The following IMPG1 variants were observed in gnomAD, a reference collection of about 807,000 sequenced individuals.
IMPG1 encodes interphotoreceptor matrix proteoglycan 1.
In IMPG1, 85 loss-of-function variants were observed where a neutral mutation model predicts 92.0. The ratio of observed to expected loss-of-function variants is 0.92; its 90% CI spans 0.78 to 1.11. The LOEUF is 1.11. Ranked by LOEUF, IMPG1 falls within the 50% of genes least tolerant of loss-of-function variation. The pLI is 0.00. For missense variants in IMPG1, 1,022 were observed against 956.0 expected (o/e 1.07, Z -0.91); for synonymous variants, 367 against 334.1 (o/e 1.10, Z -1.08).
intron 1 of IMPG1, among the ~76,000 whole-genome samples, chr6:76,064,306 T>C (rs558879443): frequency 1.3e-5 from 2 of 151,618 alleles, no homozygotes; most frequent in African/African-American, 2.4e-5. Flanking sequence ...AGAACAGGGC[T>C]GAGGGAGGAG....
intron 1 of IMPG1, among the ~76,000 whole-genome samples, chr6:76,052,623 G>C (rs1162292316): frequency 1.3e-5 from 2 of 152,130 alleles, no homozygotes; most frequent in Non-Finnish European, 2.9e-5. Context: ...TCAACACATT[G>C]CTTCTTCATG....
At chr6:75,942,652 A>G (rs938497071) in intron 14 of IMPG1, among the ~76,000 whole-genome samples, 3 of 152,204 alleles carry the variant, frequency 2.0e-5, no homozygotes, top group African/African-American at 7.2e-5. Context: ...CATTTTAATC[A>G]GCTCACCCGT....
chr6:75,993,372 T>C (rs899482634), intron 12 of IMPG1, among the ~76,000 whole-genome samples: 6 of 152,028 alleles, frequency 3.9e-5, no homozygotes, highest in Non-Finnish European at 1.5e-5. Flanking sequence ...AAGTCCAAGA[T>C]CAAGGCACCA....
At chr6:75,947,581 G>C (rs749175021) in intron 13 of IMPG1, 48 bp from the exon 14 acceptor site, 7 of 1,299,132 alleles carry the variant, frequency 5.4e-6, no homozygotes, top group Non-Finnish European at 7.7e-6. Context: ...TAAGTGCTCA[G>C]CTGCTGCTAA....
At position 76,005,473 on chromosome 6, in the gene IMPG1, T is replaced by G. The variant is rs1783079772; in HGVS notation, c.949A>C (p.Ser317Arg). Residue 317 changes from serine (S) to arginine (R), a missense_variant, in exon 10 of 17, where the codon AGC becomes CGC. Ser to Arg is a moderately radical substitution (Grantham distance 110). Coordinates refer to ENST00000369950, the MANE Select transcript of IMPG1 (RefSeq NM_001563.4). The part of the protein sequence containing the change: ...IFKRHSAEAK[S>R]PASDLLSFDS... ...AAAGACAGGAGGTCACTTGCAGGGC[T>G]TTTTGCTTCTGCACTGTGTCTCTTA... is the stretch of plus-strand genomic sequence containing the variant. 6.2e-7 allele frequency: 1 copy of G among 1,613,702 alleles called. No homozygotes were observed. The highest frequency in any genetic ancestry group is 8.5e-7 in the Non-Finnish European group (1 of 1,179,766).
intron 12 of IMPG1, among the ~76,000 whole-genome samples, chr6:75,999,558 CT>C (rs1158747830): frequency 2.6e-5 from 4 of 151,468 alleles, no homozygotes; most frequent in East Asian, 1.9e-4. Flanking sequence ...TGCCCCTGCA[CT>C]TTTTTTTTGT....
chr6:76,057,594 C>T (rs572993512), intron 1 of IMPG1, among the ~76,000 whole-genome samples: 71 of 152,156 alleles, frequency 4.7e-4, no homozygotes, highest in Admixed American at 3.0e-3. Context: ...TGGGTTTTGT[C>T]CAAATGGGAG....
chr6:76,009,343 G>C (rs1232555735), intron 8 of IMPG1, among the ~76,000 whole-genome samples: 1 of 152,170 alleles, frequency 6.6e-6, no homozygotes, highest in Non-Finnish European at 1.5e-5. Flanking sequence ...TGAATTCAAT[G>C]AAGTCACTGA....
intron 7 of IMPG1, among the ~76,000 whole-genome samples, chr6:76,012,815 C>A (rs1018283642): frequency 7.2e-5 from 11 of 152,156 alleles, no homozygotes; most frequent in African/African-American, 2.4e-4. Context: ...TGAATCTGCC[C>A]AAACCAGAGC....
At chr6:75,963,285 A>G (rs553671916) in intron 12 of IMPG1, among the ~76,000 whole-genome samples, 1 of 152,316 alleles carries the variant, frequency 6.6e-6, no homozygotes, top group South Asian at 2.1e-4. Flanking sequence ...AATGCATATT[A>G]TTTAAAAATA....
intron 12 of IMPG1, among the ~76,000 whole-genome samples, chr6:75,992,913 C>T (rs552055791): frequency 1.3e-5 from 2 of 152,308 alleles, no homozygotes; most frequent in South Asian, 2.1e-4. Context: ...CACTGTTTTT[C>T]TCCTCTTCTG....
intron 1 of IMPG1, among the ~76,000 whole-genome samples, chr6:76,053,387 G>A (rs1200793626): frequency 6.6e-6 from 1 of 152,140 alleles, no homozygotes; most frequent in East Asian, 1.9e-4. Flanking sequence ...CATGATATTT[G>A]AAGCTGACTT....
At chr6:75,995,367 TA>T (rs1782878678) in intron 12 of IMPG1, among the ~76,000 whole-genome samples, 1 of 152,196 alleles carries the variant, frequency 6.6e-6, no homozygotes, top group Non-Finnish European at 1.5e-5. Flanking sequence ...TTGCAGGGCT[TA>T]TAAAGCTCTA....
At chr6:76,028,630 T>A (rs1582115735) in intron 4 of IMPG1, among the ~76,000 whole-genome samples, 1 of 152,028 alleles carries the variant, frequency 6.6e-6, no homozygotes. Flanking sequence ...GAGATTGAGA[T>A]CATCCTGGCT....
At chr6:75,949,406 G>T (rs985062829) in intron 13 of IMPG1, among the ~76,000 whole-genome samples, 3 of 152,166 alleles carry the variant, frequency 2.0e-5, no homozygotes, top group African/African-American at 7.2e-5. Flanking sequence ...AAATGCCATG[G>T]CAATGTCAGG....
chr6:76,020,888 A>G (rs2149483163), intron 6 of IMPG1, among the ~76,000 whole-genome samples: 1 of 152,342 alleles, frequency 6.6e-6, no homozygotes, highest in East Asian at 1.9e-4. Flanking sequence ...AAGAAAATCA[A>G]CTTGTTTTTA....
chr6:75,925,562 C>T lies in IMPG1; in HGVS notation c.2244-1856G>A, dbSNP rs1562335698. 2.6e-5 allele frequency among the ~76,000 whole-genome samples: 4 copies of T among 152,124 alleles called. 1 individual carries two copies. Among genetic ancestry groups the T allele is most frequent in the Non-Finnish European group, 4.4e-5 (3 of 68,048 alleles). On this transcript the variant is annotated intron_variant, in intron 15 of 16. Transcript: ENST00000369950. ...GAGGTTGAGGCCAGGTGCGGTGGCT[C>T]ATACCTATAATACCAGCACTTTGGT... is the stretch of plus-strand genomic sequence containing the variant.
At chr6:75,974,401 T>TTTCCTTCCTTCCTTCCTTGC (rs1782493261) in intron 12 of IMPG1, among the ~76,000 whole-genome samples, 5 of 92,820 alleles carry the variant, frequency 5.4e-5, no homozygotes, top group African/African-American at 1.6e-4. Context: ...CTTTTCTTTC[T>TTTCCTTCCTTCCTTCCTTGC]TTCCTTCCTT....
intron 13 of IMPG1, among the ~76,000 whole-genome samples, 162 bp from the exon 14 acceptor site, chr6:75,947,695 C>T (rs987255527): frequency 2.0e-5 from 3 of 152,044 alleles, no homozygotes; most frequent in African/African-American, 7.2e-5. Context: ...AATGCCACTA[C>T]TTAATGGTTG....
Sources: gnomAD v4.1 joint callset for allele counts (sites outside exome capture counted in the v4.1 genomes callset) on GRCh38, gnomAD v4.1.1 for gene constraint, MANE v1.5 for transcripts, NCBI Gene and HGNC (gene_info 2026-07-23, HGNC 2026-07-21) for gene names.